The following AIF1L variants were observed in gnomAD, a reference collection of about 807,000 sequenced individuals.
AIF1L encodes the protein allograft inflammatory factor 1-like.
AIF1L carries 12 observed loss-of-function variants against 20.7 expected under a neutral mutation model. The ratio of observed to expected loss-of-function variants is 0.58; its 90% CI spans 0.37 to 0.94. The LOEUF (loss-of-function observed/expected upper bound fraction) is 0.94. Among genes scored for constraint, AIF1L ranks in the 40% least tolerant of loss-of-function variants. The pLI is 0.01. For synonymous variants in AIF1L, 76 were observed against 65.1 expected (o/e 1.17, Z -0.81); for missense variants, 173 against 185.3 (o/e 0.93, Z 0.39).
chr9:131,110,511 T>C (rs1280481872), intron 2 of AIF1L, among the ~76,000 whole-genome samples: 1 of 151,366 alleles, frequency 6.6e-6, no homozygotes, highest in Non-Finnish European at 1.5e-5. Flanking sequence ...TTTTCTTTTT[T>C]TTTTTTTTTT....
At position 131,118,512 on chromosome 9, in the gene AIF1L, T is replaced by C. The variant is rs372791299; in HGVS notation, c.365+594T>C. On this transcript the variant is annotated intron_variant, in intron 5 of 5. Transcript: ENST00000247291. ...ATGATGGTGGTGATGGTGATAATGG[T>C]GATAAATCTGTTGAAACTTTCCGAG... is the stretch of plus-strand genomic sequence containing the variant. 3.0e-4 allele frequency among the ~76,000 whole-genome samples: 45 copies of C among 151,936 alleles called. No individual in the cohort carries two copies. In the East Asian group the frequency reaches 7.9e-3, roughly 27 times the overall value.
In AIF1L at chr9:131,117,401, C is replaced by T. The variant is rs558976113; in HGVS notation, c.203-355C>T. Among the ~76,000 whole-genome samples, 34 of 152,314 alleles carry T rather than the reference C, an allele frequency of 2.2e-4. No homozygotes were observed. The South Asian group carries it at 4.8e-3, about 21-fold the overall frequency. ...CCACAGTCATGGTGTGAAGAAAGTG[C>T]TCTGGGCCGGTGCTTCCTGCACAGA... On this transcript the variant is annotated intron_variant, in intron 4 of 5. Transcript: ENST00000247291.
chr9:131,099,356 C>T (rs116220565), intron 2 of AIF1L, among the ~76,000 whole-genome samples: 2,580 of 152,342 alleles, frequency 0.017, 55 homozygotes, highest in African/African-American at 0.053. Context: ...TCTTTGCAGA[C>T]TGTGGGGGAG....
chr9:131,106,298 A>C (rs1830746392), intron 2 of AIF1L: 2 of 1,380,948 alleles, frequency 1.4e-6, no homozygotes, highest in African/African-American at 2.9e-5. Context: ...CAACTCCTCC[A>C]CTCATCCTGC....
chr9:131,096,627 G>T lies in AIF1L; in HGVS notation c.-3G>T. On this transcript the variant is annotated 5_prime_UTR_variant, in exon 1 of 6. Transcript: ENST00000247291. ...TGGAGCCGGCGGGAGCCCCGCGCTC[G>T]CCATGTCGGGCGAGCTCAGCAACAG... is the stretch of plus-strand genomic sequence containing the variant. The T allele has an allele frequency of 1.3e-6, 2 of 1,483,656 alleles. No individual in the cohort carries two copies. Among genetic ancestry groups the T allele is most frequent in the African/African-American group, 1.5e-5 (1 of 68,312 alleles). 91.9% of individuals were successfully genotyped at this position (1,483,656 alleles called of 1,614,324 possible). A position where few individuals can be genotyped will look rare whatever the true frequency, so the allele number is the denominator to read the frequency against.
At chr9:131,105,837 T>C (rs1482646903) in intron 2 of AIF1L, among the ~76,000 whole-genome samples, 2 of 93,572 alleles carry the variant, frequency 2.1e-5, no homozygotes, top group Non-Finnish European at 4.6e-5. Flanking sequence ...GTTGTTGCTT[T>C]TTTTTTTTTT....
chr9:131,104,347 A>AC (rs1306717972), intron 2 of AIF1L, among the ~76,000 whole-genome samples: 1 of 151,254 alleles, frequency 6.6e-6, no homozygotes, highest in Non-Finnish European at 1.5e-5. Flanking sequence ...TAAACCACCT[A>AC]CCCCCACATC....
At chr9:131,103,255 A>G (rs1830677353) in intron 2 of AIF1L, among the ~76,000 whole-genome samples, 1 of 152,230 alleles carries the variant, frequency 6.6e-6, no homozygotes, top group African/African-American at 2.4e-5. Context: ...ATGGCCCATC[A>G]CTGCCAGGTC....
At chr9:131,111,936 G>T in intron 3 of AIF1L, 1 of 489,176 alleles carries the variant, frequency 2.0e-6, no homozygotes, top group South Asian at 2.4e-5. Context: ...TGCCCACGGG[G>T]CTCAGGCTGG....
chr9:131,102,707 C>T (rs1830663877), intron 2 of AIF1L, among the ~76,000 whole-genome samples: 1 of 152,244 alleles, frequency 6.6e-6, no homozygotes, highest in South Asian at 2.1e-4. Flanking sequence ...TGTGAACCCG[C>T]TGTCCTTGTG....
chr9:131,117,217 A>G (rs1348836989), intron 4 of AIF1L, among the ~76,000 whole-genome samples: 1 of 152,194 alleles, frequency 6.6e-6, no homozygotes, highest in Non-Finnish European at 1.5e-5. Flanking sequence ...CTAGGACAGC[A>G]GGACAGGAGT....
At chr9:131,099,028 C>T (rs1830585141) in intron 2 of AIF1L, among the ~76,000 whole-genome samples, 1 of 152,176 alleles carries the variant, frequency 6.6e-6, no homozygotes, top group Admixed American at 6.5e-5. Context: ...TCATGAGGTA[C>T]CCACAAGCAC....
chr9:131,110,790 G>A (rs974122207), intron 2 of AIF1L, among the ~76,000 whole-genome samples: 2 of 151,696 alleles, frequency 1.3e-5, no homozygotes, highest in African/African-American at 4.8e-5. Context: ...GGCGTGAACC[G>A]CCGCACCTGG....
chr9:131,104,784 G>C (rs1339183885), intron 2 of AIF1L, among the ~76,000 whole-genome samples: 1 of 152,020 alleles, frequency 6.6e-6, no homozygotes, highest in East Asian at 1.9e-4. Context: ...TGTAATCCCA[G>C]CACTTTGGGA....
intron 2 of AIF1L, among the ~76,000 whole-genome samples, chr9:131,102,345 G>A (rs1830658532): frequency 6.6e-6 from 1 of 152,206 alleles, no homozygotes; most frequent in South Asian, 2.1e-4. Flanking sequence ...TCTGAGACCT[G>A]ACCCAGGCAA....
intron 3 of AIF1L, among the ~76,000 whole-genome samples, chr9:131,113,351 A>G (rs1157000936): frequency 6.6e-6 from 1 of 151,902 alleles, no homozygotes. Flanking sequence ...TACAAAAATT[A>G]GCTGTATGTG....
intron 2 of AIF1L, among the ~76,000 whole-genome samples, chr9:131,097,774 C>T (rs1398776422): frequency 6.6e-6 from 1 of 152,236 alleles, no homozygotes; most frequent in African/African-American, 2.4e-5. Flanking sequence ...TGGTCCTCAG[C>T]AAAGGGCCTC....
At chr9:131,111,917 T>A (rs1830897988) in intron 3 of AIF1L, 2 of 517,606 alleles carry the variant, frequency 3.9e-6, no homozygotes, top group East Asian at 6.7e-5. Context: ...CCCCTCTCTC[T>A]CCCCTCACTG....
intron 2 of AIF1L, 147 bp downstream of exon 2, chr9:131,097,010 C>G: frequency 1.1e-6 from 1 of 919,188 alleles, no homozygotes; most frequent in Non-Finnish European, 1.5e-6. Context: ...CCCTCCGCCC[C>G]CAGCCCCGTC....
Sources: gnomAD v4.1 joint callset for allele counts (sites outside exome capture counted in the v4.1 genomes callset) on GRCh38, gnomAD v4.1.1 for gene constraint, MANE v1.5 for transcripts, NCBI Gene and HGNC (gene_info 2026-07-23, HGNC 2026-07-21) for gene names.